Variants in MYH14 observed in about 807,000 individuals in gnomAD.
The protein encoded by MYH14 is myosin-14.
In MYH14, 123 loss-of-function variants were observed where a neutral mutation model predicts 255.5. The observed-to-expected ratio is 0.48, with a 90% CI of 0.42 to 0.56. MYH14 has a LOEUF of 0.56. Among genes scored for constraint, MYH14 ranks in the 20% least tolerant of loss-of-function variants. The probability of loss-of-function intolerance (pLI) is 0.00; values close to 1 mark genes in which losing one functional copy is unlikely to be tolerated. For synonymous variants in MYH14, 1,095 were observed against 1,161.2 expected (o/e 0.94, Z 1.16); for missense variants, 2,423 against 2,802.3 (o/e 0.86, Z 3.06).
At chr19:50,253,095 C>T (rs1057313921) in intron 16 of MYH14, among the ~76,000 whole-genome samples, 7 of 152,104 alleles carry the variant, frequency 4.6e-5, no homozygotes, top group African/African-American at 1.7e-4. Flanking sequence ...GTATGAATAT[C>T]GAACAGGAAG....
chr19:50,290,300 C>T (rs891153213), intron 35 of MYH14, among the ~76,000 whole-genome samples: 1 of 152,192 alleles, frequency 6.6e-6, no homozygotes, highest in Non-Finnish European at 1.5e-5. Context: ...ATCGCTCCCT[C>T]GCTTCCTTGT....
chr19:50,207,279 G>GAGAA (rs1759355939), intron 1 of MYH14, among the ~76,000 whole-genome samples: 8 of 142,648 alleles, frequency 5.6e-5, no homozygotes, highest in African/African-American at 2.1e-4. Context: ...GACAGAGAGA[G>GAGAA]AGAGAGAGAG....
In MYH14 at chr19:50,280,258, A is replaced by G. The variant is rs2035667406; in HGVS notation, c.4165A>G (p.Lys1389Glu). Residue 1389 changes from lysine (K) to glutamate (E), a missense_variant, in exon 32 of 43, where the codon AAA (lysine) becomes GAA (glutamate). Transcript: ENST00000642316. This position sits in a 1 kb window ranked among gnomAD's most constrained non-coding sequence, Gnocchi z 4.8. ...QELLQEETRA[K>E]LALGSRVRAM... ...GCTGCTGCAGGAGGAGACCAGGGCG[A>G]AATTGGCCTTGGGGTCCCGGGTGCG... The G allele has an allele frequency of 6.4e-7, 1 of 1,551,580 alleles. No homozygotes were observed. Among genetic ancestry groups the G allele is most frequent in the Non-Finnish European group, 8.7e-7 (1 of 1,146,998 alleles).
chr19:50,263,728 G>A (rs1365509136), intron 22 of MYH14, among the ~76,000 whole-genome samples: 2 of 152,156 alleles, frequency 1.3e-5, no homozygotes, highest in Non-Finnish European at 2.9e-5. Flanking sequence ...TGTACTCACA[G>A]CTACAGTTTA....
intron 7 of MYH14, among the ~76,000 whole-genome samples, chr19:50,225,892 A>G (rs1170057079): frequency 1.5e-4 from 4 of 27,240 alleles, no homozygotes; most frequent in African/African-American, 4.5e-4. Context: ...CTGAGGGAGG[A>G]GGGGCTGGGG....
intron 29 of MYH14, among the ~76,000 whole-genome samples, chr19:50,277,288 G>A (rs1395723119): frequency 6.6e-6 from 1 of 152,176 alleles, no homozygotes; most frequent in Non-Finnish European, 1.5e-5. Flanking sequence ...GGCTGTGGAG[G>A]TATTCTGCGA....
In MYH14 at chr19:50,276,970, A is replaced by T; in HGVS notation, c.3825+69A>T. 1 of 1,282,334 alleles carries T rather than the reference A, an allele frequency of 7.8e-7. No homozygotes were observed. The highest frequency in any genetic ancestry group is 1.3e-5 in the South Asian group (1 of 75,572). 79.4% of individuals were successfully genotyped at this position (1,282,334 alleles called of 1,614,324 possible). On this transcript the variant is annotated intron_variant, in intron 29 of 42. Transcript: ENST00000642316. This position sits in a 1 kb window ranked among gnomAD's most constrained non-coding sequence, Gnocchi z 4.3. Reference sequence around the variant, plus strand: ...GCAGGGCAGGACGCGGGGTTGGAGGAGGTACCGCTGGCTGGTTCTAGGCTA... The same window carrying T: ...GCAGGGCAGGACGCGGGGTTGGAGGTGGTACCGCTGGCTGGTTCTAGGCTA...
chr19:50,307,665 CTTACTGAGCAG>C (rs1427599859), intron 41 of MYH14, among the ~76,000 whole-genome samples: 2 of 152,196 alleles, frequency 1.3e-5, no homozygotes, highest in African/African-American at 2.4e-5. Context: ...TTCTTGATTA[CTTACTGAGCAG>C]TTACTGTGTC....
chr19:50,290,861 C>A, intron 35 of MYH14, 26 bp from the exon 36 acceptor site: 1 of 1,546,754 alleles, frequency 6.5e-7, no homozygotes, highest in African/African-American at 1.4e-5. Context: ...TGTGTCTGAC[C>A]CGGTCCCTCC....
rs201751506 is a variant in MYH14 at position 50,271,878 on chromosome 19, C to T, written c.3201C>T (p.Ala1067=). 3.3e-5 allele frequency: 54 copies of T among 1,613,322 alleles called. 1 individual carries two copies. Among genetic ancestry groups the T allele is most frequent in the African/African-American group, 5.3e-5 (4 of 74,894 alleles). Reference sequence around the variant, plus strand: ...GGAAGCTGCTGGAAGATCGTCTGGCCGAGTTCTCATCCCAGGCAGCTGAGG... The same window carrying T: ...GGAAGCTGCTGGAAGATCGTCTGGCTGAGTTCTCATCCCAGGCAGCTGAGG... ...KERKLLEDRL[A]EFSSQAAEEE... is the part of the protein sequence containing the mutation. The change falls in exon 26 of 43, where the codon GCC becomes GCT. Residue 1067 remains alanine, a synonymous_variant. Coordinates refer to ENST00000642316, the MANE Select transcript of MYH14 (RefSeq NM_001145809.2).
chr19:50,223,521 G>A (rs182138468), intron 5 of MYH14, among the ~76,000 whole-genome samples, 172 bp downstream of exon 5: 5 of 152,344 alleles, frequency 3.3e-5, no homozygotes, highest in African/African-American at 1.2e-4. Flanking sequence ...GAGTCAGGGG[G>A]ACACAGAGGT....
At chr19:50,275,266 T>C (rs1012137285) in intron 27 of MYH14, among the ~76,000 whole-genome samples, 7 of 152,264 alleles carry the variant, frequency 4.6e-5, no homozygotes, top group African/African-American at 1.7e-4. Context: ...CAGATCCAGC[T>C]TCTCTTTGCA....
At chr19:50,229,013 C>G (rs1478550033) in intron 8 of MYH14, among the ~76,000 whole-genome samples, 1 of 152,188 alleles carries the variant, frequency 6.6e-6, no homozygotes. Context: ...CCTCGAGAGT[C>G]CCCATGATAT....
Position 50,300,951 on chromosome 19 carries a change from T to TAAA in MYH14, c.5470-700_5470-698dup, listed in dbSNP as rs34175711. 6.6e-4 allele frequency among the ~76,000 whole-genome samples: 94 copies of TAAA among 142,874 alleles called. 1 individual carries two copies. Among genetic ancestry groups the TAAA allele is most frequent in the African/African-American group, 2.2e-3 (85 of 39,084 alleles). The allele number at this position is 142,874 out of a possible 152,430, so 93.7% of individuals were successfully genotyped here. A position where few individuals can be genotyped will look rare whatever the true frequency, so the allele number is the denominator to read the frequency against. On this transcript the variant is annotated intron_variant, in intron 39 of 42. Transcript: ENST00000642316. ...CTGTCTCAAAAAAAGTTTTTTAAGT[T>TAAA]AAAAAAAAAAAACCCCACAAAGGAG... is the stretch of plus-strand genomic sequence containing the variant.
In MYH14 at chr19:50,281,600, G is replaced by A. The variant is rs771755654; in HGVS notation, c.4297G>A (p.Glu1433Lys). 3.6e-5 allele frequency: 57 copies of A among 1,586,656 alleles called. No homozygotes were observed. Among genetic ancestry groups the A allele is most frequent in the Middle Eastern group, 2.2e-4 (1 of 4,520 alleles). ...CTCTCTCTCCTCCCCTCAGCTTTCC[G>A]AGTGGCGGCGGCGCCAGGAGGAGGA... is the stretch of plus-strand genomic sequence containing the variant. ...ELQTAQAQLS[E>K]WRRRQEEEAG... The change falls in exon 33 of 43, where the codon GAG (glutamate) becomes AAG (lysine). Residue 1433 changes from glutamate to lysine, a missense_variant. Around this residue, in one of 3 missense-constraint regions of MYH14, gnomAD observed 1,513 missense variants for 1,674.8 expected, o/e 0.90. Transcript: ENST00000642316.
At position 50,281,353 on chromosome 19, in the gene MYH14, A is replaced by G. The variant is rs191551540; in HGVS notation, c.4291-241A>G. Among the ~76,000 whole-genome samples, 43 of 152,260 alleles carry G rather than the reference A, an allele frequency of 2.8e-4. No homozygotes were observed. In the East Asian group the frequency reaches 7.1e-3, roughly 25 times the overall value. On this transcript the variant is annotated intron_variant, in intron 32 of 42. Coordinates refer to ENST00000642316, the MANE Select transcript of MYH14 (RefSeq NM_001145809.2). ...TCCCCCAGCAGCCGAGGGGCTCCCC[A>G]GGAAAGACTCCAGGTCTGATTCACC... is the stretch of plus-strand genomic sequence containing the variant.
chr19:50,253,043 G>GT (rs1280858198), intron 16 of MYH14, among the ~76,000 whole-genome samples: 4 of 152,152 alleles, frequency 2.6e-5, no homozygotes, highest in East Asian at 1.9e-4. Flanking sequence ...GTTAAACATC[G>GT]TTTTTTTAGC....
rs752115973 is a variant in MYH14 at position 50,286,261 on chromosome 19, A to G, written c.4540-221A>G. 76 of 453,418 alleles carry G rather than the reference A, an allele frequency of 1.7e-4. 1 individual carries two copies. The Admixed American group carries it at 2.4e-3, about 14-fold the overall frequency. The allele number at this position is 453,418 out of a possible 1,614,324, so 28.1% of individuals were successfully genotyped here. A position where few individuals can be genotyped will look rare whatever the true frequency, so the allele number is the denominator to read the frequency against. ...GGAAGGAATGCCCTTTCTTCTGTTGAACATATAGAGTTAGGGACTGATCAG... is the reference window on the plus strand; with the variant it reads ...GGAAGGAATGCCCTTTCTTCTGTTGGACATATAGAGTTAGGGACTGATCAG... On this transcript the variant is annotated intron_variant, in intron 33 of 42. Transcript: ENST00000642316.
Position 50,293,251 on chromosome 19 carries a change from C to T in MYH14, c.5275C>T (p.Arg1759Cys), listed in dbSNP as rs759179564. 15 of 1,607,772 alleles carry T rather than the reference C, an allele frequency of 9.3e-6. No individual in the cohort carries two copies. The highest frequency in any genetic ancestry group is 1.6e-4 in the Middle Eastern group (1 of 6,082). ...RLQEELAASDRARRQAQQDRD... is the reference protein window; with the variant it reads ...RLQEELAASDCARRQAQQDRD... Reference sequence around the variant, plus strand: ...ATCACAGGAACTGGCCGCCTCGGACCGTGCTCGGCGGCAGGCCCAGCAGGA... The same window carrying T: ...ATCACAGGAACTGGCCGCCTCGGACTGTGCTCGGCGGCAGGCCCAGCAGGA... Residue 1759 changes from arginine (R) to cysteine (C), a missense_variant, in exon 38 of 43, where the codon CGT becomes TGT. Arg to Cys is a radical substitution (Grantham distance 180). Around this residue, in one of 3 missense-constraint regions of MYH14, gnomAD observed 1,513 missense variants for 1,674.8 expected, o/e 0.90. Coordinates refer to ENST00000642316, the MANE Select transcript of MYH14 (RefSeq NM_001145809.2). This position sits in a 1 kb window ranked among gnomAD's most constrained non-coding sequence, Gnocchi z 4.1.
Sources: gnomAD v4.1 joint callset for allele counts (sites outside exome capture counted in the v4.1 genomes callset) on GRCh38, gnomAD v4.1.1 for gene constraint, gnomAD v4.1.1 regional missense constraint, Gnocchi (gnomAD v3.1) non-coding constraint, MANE v1.5 for transcripts, NCBI Gene and HGNC (gene_info 2026-07-23, HGNC 2026-07-21) for gene names.